BAALC: variants seen among roughly 807,000 people sequenced by gnomAD.
BAALC encodes the protein BAALC binder of MAP3K1 and KLF4.
A neutral mutation model predicts 15.5 loss-of-function variants in BAALC; 9 were observed. The observed-to-expected ratio is 0.58, with a 90% CI of 0.35 to 1.02. The LOEUF (loss-of-function observed/expected upper bound fraction) is 1.02. BAALC is among the 50% of genes least tolerant of loss of function. The pLI is 0.02. For synonymous variants in BAALC, 80 were observed against 74.6 expected (o/e 1.07, Z -0.37); for missense variants, 201 against 192.4 (o/e 1.04, Z -0.27).
intron 1 of BAALC, among the ~76,000 whole-genome samples, chr8:103,148,391 G>T (rs943489199): frequency 2.0e-5 from 3 of 152,072 alleles, no homozygotes; most frequent in African/African-American, 2.4e-5. Flanking sequence ...TTTCATTTTT[G>T]ATTTCTGTGG....
At chr8:103,205,111 T>G (rs997118471) in intron 1 of BAALC, among the ~76,000 whole-genome samples, 1 of 152,172 alleles carries the variant, frequency 6.6e-6, no homozygotes, top group Non-Finnish European at 1.5e-5. Flanking sequence ...CTGATGATTT[T>G]GGACCAACTC....
At chr8:103,224,271 C>T (rs191100823) in intron 2 of BAALC, among the ~76,000 whole-genome samples, 24 of 152,230 alleles carry the variant, frequency 1.6e-4, no homozygotes, top group Non-Finnish European at 3.2e-4. Context: ...GCCCGTGACA[C>T]ACCCTCAGGA....
chr8:103,228,415 T>C lies in BAALC; in HGVS notation c.*316T>C, dbSNP rs1563660747. On this transcript the variant is annotated 3_prime_UTR_variant, in exon 3 of 3. Coordinates refer to ENST00000309982, the MANE Select transcript of BAALC (RefSeq NM_024812.3). Reference sequence around the variant, plus strand: ...GTAGTGAGTTAAAGCTACAGGTCAGTTTATGAAACAGAAAAGTAGGAATGC... The same window carrying C: ...GTAGTGAGTTAAAGCTACAGGTCAGCTTATGAAACAGAAAAGTAGGAATGC... The C allele has an allele frequency of 4.3e-6, 1 of 230,474 alleles. No individual in the cohort carries two copies. Among genetic ancestry groups the C allele is most frequent in the African/African-American group, 2.3e-5 (1 of 43,976 alleles). 14.3% of individuals were successfully genotyped at this position (230,474 alleles called of 1,614,324 possible).
In BAALC at chr8:103,228,946, T is replaced by C. The variant is rs1275616916; in HGVS notation, c.*847T>C. On this transcript the variant is annotated 3_prime_UTR_variant, in exon 3 of 3. Transcript: ENST00000309982. ...TGTCTTCCCTCTCTATCGGGGTCAC[T>C]TGCAATTGTTAATCAAAGATTGAAC... 1.3e-5 allele frequency: 2 copies of C among 152,280 alleles called. No homozygotes were observed. Among genetic ancestry groups the C allele is most frequent in the Non-Finnish European group, 2.9e-5 (2 of 68,074 alleles). 9.4% of individuals were successfully genotyped at this position (152,280 alleles called of 1,614,324 possible).
At chr8:103,171,467 AAAAG>A (rs144178184) in intron 1 of BAALC, among the ~76,000 whole-genome samples, 2,076 of 152,146 alleles carry the variant, frequency 0.014, 45 homozygotes, top group African/African-American at 0.047. Context: ...GAAAGAAAAG[AAAAG>A]AAAGAAAGAG....
intron 1 of BAALC, among the ~76,000 whole-genome samples, chr8:103,203,822 CTATT>C (rs1812273155): frequency 6.6e-6 from 1 of 151,860 alleles, no homozygotes; most frequent in Non-Finnish European, 1.5e-5. Context: ...CTTTATTTAT[CTATT>C]CATCAATTGA....
intron 1 of BAALC, among the ~76,000 whole-genome samples, chr8:103,171,348 A>G (rs1811484995): frequency 6.7e-6 from 1 of 149,188 alleles, no homozygotes. Flanking sequence ...GGAAGGAGGA[A>G]AGAGCAAGGA....
chr8:103,198,018 C>T, intron 1 of BAALC: 1 of 653,598 alleles, frequency 1.5e-6, no homozygotes, highest in Non-Finnish European at 2.8e-6. Context: ...TGAGGACTAA[C>T]CATGCCTGAT....
chr8:103,177,792 T>C (rs1811639321), intron 1 of BAALC, among the ~76,000 whole-genome samples: 1 of 152,222 alleles, frequency 6.6e-6, no homozygotes, highest in Non-Finnish European at 1.5e-5. Context: ...AGGATTGATG[T>C]GGACATTAAA....
At chr8:103,200,892 T>C in intron 1 of BAALC, 1 of 464,486 alleles carries the variant, frequency 2.2e-6, no homozygotes, top group East Asian at 2.9e-5. Flanking sequence ...GTTAGATTTA[T>C]ACATATGAAT....
intron 1 of BAALC, among the ~76,000 whole-genome samples, chr8:103,158,694 A>ATACG (rs1274390471): frequency 1.5e-4 from 23 of 151,854 alleles, no homozygotes; most frequent in Non-Finnish European, 2.9e-4. Flanking sequence ...CAATACATAC[A>ATACG]TACATACATA....
At chr8:103,192,949 C>T (rs1812005356) in intron 1 of BAALC, among the ~76,000 whole-genome samples, 1 of 152,204 alleles carries the variant, frequency 6.6e-6, no homozygotes, top group Non-Finnish European at 1.5e-5. Context: ...ATGAGCTTCT[C>T]TCCCTCCCCT....
At chr8:103,195,456 G>C (rs1812071447) in intron 1 of BAALC, among the ~76,000 whole-genome samples, 1 of 152,162 alleles carries the variant, frequency 6.6e-6, no homozygotes, top group Admixed American at 6.5e-5. Flanking sequence ...ATCTGGAGAA[G>C]GCTCAACATA....
In BAALC at chr8:103,215,714, A is replaced by C. The variant is rs185022264; in HGVS notation, c.327+2629A>C. On this transcript the variant is annotated intron_variant, in intron 2 of 2. Transcript: ENST00000309982. ...TGTCTCTGCTCACATCATACTGACT[A>C]ATATCCCATTGGCCAAAGCAAGTCA... Among the ~76,000 whole-genome samples the C allele has an allele frequency of 4.7e-3, 719 of 152,348 alleles. 4 individuals are homozygous for C. The highest frequency in any genetic ancestry group is 0.015 in the South Asian group (73 of 4,820).
At chr8:103,171,413 A>G (rs374572466) in intron 1 of BAALC, among the ~76,000 whole-genome samples, 1,051 of 81,060 alleles carry the variant, frequency 0.013, 19 homozygotes, top group African/African-American at 0.041. Context: ...AAGAAAGAAA[A>G]GAGAGAGAAT....
intron 1 of BAALC, among the ~76,000 whole-genome samples, chr8:103,171,740 A>G (rs1191702251): frequency 6.6e-6 from 1 of 152,204 alleles, no homozygotes; most frequent in African/African-American, 2.4e-5. Flanking sequence ...GAAAGACCTC[A>G]CTAGCAGATT....
rs569018003 is a variant in BAALC, at chr8:103,146,188, GT to G, written c.160+5138del. ...ATTAGAGGCATTCAGGAACTAAGCAGTTTTTTTCTGCCTGGGGAGGGGTCAG... is the reference window on the plus strand; with the variant it reads ...ATTAGAGGCATTCAGGAACTAAGCAGTTTTTTCTGCCTGGGGAGGGGTCAG... On this transcript the variant is annotated intron_variant, in intron 1 of 2. Coordinates refer to ENST00000309982, the MANE Select transcript of BAALC (RefSeq NM_024812.3). Among the ~76,000 whole-genome samples the G allele has an allele frequency of 1.9e-3, 294 of 152,272 alleles. 1 individual carries two copies. The highest frequency in any genetic ancestry group is 6.3e-3 in the African/African-American group (263 of 41,550).
At chr8:103,213,884 C>T (rs1812505739) in intron 2 of BAALC, among the ~76,000 whole-genome samples, 1 of 152,162 alleles carries the variant, frequency 6.6e-6, no homozygotes, top group South Asian at 2.1e-4. Flanking sequence ...TGTCTGTGCA[C>T]AGCAAACCAA....
intron 2 of BAALC, among the ~76,000 whole-genome samples, chr8:103,223,184 T>G (rs1353872865): frequency 1.3e-5 from 2 of 152,118 alleles, no homozygotes; most frequent in Non-Finnish European, 2.9e-5. Context: ...GGTGCACGCC[T>G]GTAGTCCCAG....
Sources: gnomAD v4.1 joint callset for allele counts (sites outside exome capture counted in the v4.1 genomes callset) on GRCh38, gnomAD v4.1.1 for gene constraint, MANE v1.5 for transcripts, NCBI Gene and HGNC (gene_info 2026-07-23, HGNC 2026-07-21) for gene names.